Variants in CNIH3 observed in about 807,000 individuals in gnomAD.
CNIH3 encodes the protein protein cornichon homolog 3.
CNIH3 carries 14 observed loss-of-function variants against 24.1 expected under a neutral mutation model. The observed-to-expected ratio is 0.58, with a 90% CI of 0.38 to 0.91. The LOEUF (loss-of-function observed/expected upper bound fraction) is 0.91, where lower values mean the gene tolerates loss of function less well. Ranked by LOEUF, CNIH3 falls within the 40% of genes least tolerant of loss-of-function variation. CNIH3 has a pLI of 0.00. For missense variants in CNIH3, 178 were observed against 196.8 expected (o/e 0.90, Z 0.57); for synonymous variants, 68 against 73.8 (o/e 0.92, Z 0.40).
chr1:224,706,453 G>A (rs1687816872), intron 3 of CNIH3, among the ~76,000 whole-genome samples: 1 of 152,096 alleles, frequency 6.6e-6, no homozygotes, highest in Non-Finnish European at 1.5e-5. Flanking sequence ...CTCTCCCTGT[G>A]GTCTATAAGC....
At chr1:224,688,291 T>C (rs746748269) in intron 3 of CNIH3, among the ~76,000 whole-genome samples, 3 of 152,210 alleles carry the variant, frequency 2.0e-5, no homozygotes, top group Admixed American at 2.0e-4. Context: ...GTCTGGCCCT[T>C]GAGGTCTGAC....
At chr1:224,452,695 TGG>T (rs1675466469) in intron 1 of CNIH3, among the ~76,000 whole-genome samples, 1 of 137,958 alleles carries the variant, frequency 7.2e-6, no homozygotes, top group Non-Finnish European at 1.5e-5. Flanking sequence ...GGCAGGAGAA[TGG>T]CATGAACCTG....
intron 2 of CNIH3, chr1:224,521,499 GT>G (rs1245054700): frequency 6.6e-6 from 1 of 152,202 alleles, no homozygotes; most frequent in Non-Finnish European, 1.5e-5. Flanking sequence ...AGGGGCCTCT[GT>G]GTCCATCATT....
intron 1 of CNIH3, among the ~76,000 whole-genome samples, chr1:224,445,674 A>G (rs953155987): frequency 1.3e-5 from 2 of 149,412 alleles, no homozygotes; most frequent in African/African-American, 4.9e-5. Flanking sequence ...TGTTGGATGT[A>G]TGTACTGCAA....
At chr1:224,657,607 A>G (rs576080543) in intron 1 of CNIH3, among the ~76,000 whole-genome samples, 1 of 152,334 alleles carries the variant, frequency 6.6e-6, no homozygotes, top group South Asian at 2.1e-4. Context: ...AGTTCAGTCC[A>G]TGCAATTAGT....
chr1:224,479,054 A>C (rs1676696347), intron 1 of CNIH3, among the ~76,000 whole-genome samples: 1 of 151,944 alleles, frequency 6.6e-6, no homozygotes, highest in South Asian at 2.1e-4. Flanking sequence ...GGACACAGCC[A>C]AACTGTTATC....
At chr1:224,702,707 C>T (rs558260462) in intron 3 of CNIH3, among the ~76,000 whole-genome samples, 45 of 152,342 alleles carry the variant, frequency 3.0e-4, no homozygotes, top group African/African-American at 1.0e-3. Context: ...CAGAGAGTCT[C>T]ACCTGATTGG....
intron 5 of CNIH3, 65 bp from the exon 6 acceptor site, chr1:224,739,264 C>T: frequency 6.4e-7 from 1 of 1,572,534 alleles, no homozygotes; most frequent in Non-Finnish European, 8.6e-7. Flanking sequence ...CAGCCTGAGT[C>T]CTCTGTGGGC....
chr1:224,628,110 C>A (rs1683631735), intron 1 of CNIH3, among the ~76,000 whole-genome samples: 1 of 151,972 alleles, frequency 6.6e-6, no homozygotes, highest in African/African-American at 2.4e-5. Flanking sequence ...CTAGACTTAG[C>A]CCACCCTGTC....
chr1:224,684,944 C>G lies in CNIH3; in HGVS notation c.198+101C>G. The G allele has an allele frequency of 1.7e-6, 2 of 1,151,906 alleles. No individual in the cohort carries two copies. The highest frequency in any genetic ancestry group is 4.7e-5 in the East Asian group (2 of 42,576). 71.4% of individuals were successfully genotyped at this position (1,151,906 alleles called of 1,614,324 possible). Reference sequence around the variant, plus strand: ...AGGCTCTGCCTGCTCCAGTCCTGTCCACCAGGGAGGCAAATGGTGGCAGGG... The same window carrying G: ...AGGCTCTGCCTGCTCCAGTCCTGTCGACCAGGGAGGCAAATGGTGGCAGGG... On this transcript the variant is annotated intron_variant, in intron 3 of 5. Coordinates refer to ENST00000272133, the MANE Select transcript of CNIH3 (RefSeq NM_152495.2). This position sits in a 1 kb window ranked among gnomAD's most constrained non-coding sequence, Gnocchi z 4.2.
intron 1 of CNIH3, among the ~76,000 whole-genome samples, chr1:224,635,403 C>A (rs1572630770): frequency 6.6e-6 from 1 of 152,238 alleles, no homozygotes; most frequent in South Asian, 2.1e-4. Context: ...TGTGCTGGCA[C>A]CTCTGTTAAA....
At chr1:224,502,032 G>A (rs937223400) in intron 1 of CNIH3, among the ~76,000 whole-genome samples, 3 of 152,134 alleles carry the variant, frequency 2.0e-5, no homozygotes, top group African/African-American at 7.2e-5. Flanking sequence ...AATGTGGGGA[G>A]GGCAGGTGAG....
intron 3 of CNIH3, among the ~76,000 whole-genome samples, chr1:224,692,553 A>G (rs1686982885): frequency 6.6e-6 from 1 of 152,180 alleles, no homozygotes; most frequent in South Asian, 2.1e-4. Context: ...TCTAGATCAG[A>G]ATTCTCTGTT....
chr1:224,479,773 C>T (rs1485792218), intron 1 of CNIH3, among the ~76,000 whole-genome samples: 1 of 152,218 alleles, frequency 6.6e-6, no homozygotes, highest in Non-Finnish European at 1.5e-5. Context: ...TTCCTATGGT[C>T]TTGGGCAGCT....
At chr1:224,547,457 C>A (rs1385354587) in intron 3 of CNIH3, among the ~76,000 whole-genome samples, 1 of 151,574 alleles carries the variant, frequency 6.6e-6, no homozygotes, top group Non-Finnish European at 1.5e-5. Flanking sequence ...TGATCGTATT[C>A]ATAATATCTA....
chr1:224,600,390 C>T (rs993705242), intron 3 of CNIH3, among the ~76,000 whole-genome samples: 11 of 152,076 alleles, frequency 7.2e-5, no homozygotes, highest in African/African-American at 2.7e-4. Flanking sequence ...CGGTGTTTCT[C>T]CTTGTTGGTC....
chr1:224,721,191 C>T (rs1485161374), intron 3 of CNIH3, among the ~76,000 whole-genome samples: 1 of 152,138 alleles, frequency 6.6e-6, no homozygotes, highest in Non-Finnish European at 1.5e-5. Context: ...TTGCATTCAC[C>T]ACCTAGTAAG....
intron 1 of CNIH3, chr1:224,661,840 G>A (rs1319881615): frequency 2.0e-5 from 4 of 199,824 alleles, no homozygotes; most frequent in East Asian, 1.5e-4. Flanking sequence ...AATATCCTCC[G>A]GTAAGGCATG....
chr1:224,530,986 C>T (rs778189969), intron 2 of CNIH3, among the ~76,000 whole-genome samples: 2 of 152,132 alleles, frequency 1.3e-5, no homozygotes, highest in Admixed American at 1.3e-4. Flanking sequence ...TAAAATAAAG[C>T]TTTTCCTGGG....
Sources: gnomAD v4.1 joint callset for allele counts (sites outside exome capture counted in the v4.1 genomes callset) on GRCh38, gnomAD v4.1.1 for gene constraint, Gnocchi (gnomAD v3.1) non-coding constraint, MANE v1.5 for transcripts, NCBI Gene and HGNC (gene_info 2026-07-23, HGNC 2026-07-21) for gene names.